Variants in RERE observed in about 807,000 individuals in gnomAD.
RERE encodes arginine-glutamic acid dipeptide repeats.
A neutral mutation model predicts 146.1 loss-of-function variants in RERE; 40 were observed. The ratio of observed to expected loss-of-function variants is 0.27; its 90% CI spans 0.21 to 0.36. The LOEUF is 0.36. Among genes scored for constraint, RERE ranks in the 10% least tolerant of loss-of-function variants. RERE has a pLI of 1.00. For synonymous variants in RERE, 1,003 were observed against 866.0 expected, an observed-to-expected ratio of 1.16 and a Z score of -2.78; for missense variants, 1,933 against 2,138.7, an observed-to-expected ratio of 0.90 and a Z score of 1.90.
chr1:8,650,920 AT>A (rs776419799), intron 2 of RERE, among the ~76,000 whole-genome samples: 5 of 149,582 alleles, frequency 3.3e-5, no homozygotes, highest in African/African-American at 1.3e-4. Context: ...ATTAAATTAA[AT>A]TAAATAAATA....
intron 1 of RERE, among the ~76,000 whole-genome samples, chr1:8,672,811 A>C (rs913284844): frequency 6.6e-6 from 1 of 152,194 alleles, no homozygotes; most frequent in Non-Finnish European, 1.5e-5. Context: ...GCAACAACAA[A>C]AAAAAACTCA....
intron 4 of RERE, among the ~76,000 whole-genome samples, chr1:8,601,345 A>G (rs1050691336): frequency 6.6e-6 from 1 of 151,922 alleles, no homozygotes; most frequent in African/African-American, 2.4e-5. Context: ...TTCAAGTACA[A>G]ATCAAACTAC....
At chr1:8,649,729 CAAAAAA>C (rs112009419) in intron 2 of RERE, among the ~76,000 whole-genome samples, 6 of 78,742 alleles carry the variant, frequency 7.6e-5, no homozygotes, top group Non-Finnish European at 5.3e-5. Flanking sequence ...GACTCCGTCT[CAAAAAA>C]AAAAAAAAAA....
chr1:8,524,158 G>A (rs1205023845), intron 7 of RERE, among the ~76,000 whole-genome samples: 2 of 152,134 alleles, frequency 1.3e-5, no homozygotes, highest in Non-Finnish European at 2.9e-5. Context: ...ACATTATATG[G>A]TATGGGGTAC....
intron 10 of RERE, among the ~76,000 whole-genome samples, chr1:8,486,432 G>A (rs1035275677): frequency 6.6e-6 from 1 of 151,936 alleles, no homozygotes; most frequent in African/African-American, 2.4e-5. Flanking sequence ...GGAAATTAAG[G>A]AATTTAGTAC....
intron 4 of RERE, among the ~76,000 whole-genome samples, chr1:8,567,831 A>G (rs1646170451): frequency 6.6e-6 from 1 of 152,220 alleles, no homozygotes; most frequent in African/African-American, 2.4e-5. Flanking sequence ...AATATCACAC[A>G]CACACAGAGA....
At position 8,577,408 on chromosome 1, in the gene RERE, C is replaced by A. The variant is rs115759859; in HGVS notation, c.523-19885G>T. ...TGGTGTCTGACCAACAGAATTGGAA[C>A]CTGCATCAGCCATATACTGTTAAGA... On this transcript the variant is annotated intron_variant, in intron 4 of 22. Coordinates refer to ENST00000400908, the MANE Select transcript of RERE (RefSeq NM_001042681.2). Among the ~76,000 whole-genome samples, 1,132 of 152,114 alleles carry A rather than the reference C, an allele frequency of 7.4e-3. 17 individuals are homozygous for A. The highest frequency in any genetic ancestry group is 0.026 in the African/African-American group (1,064 of 41,482).
intron 1 of RERE, among the ~76,000 whole-genome samples, chr1:8,793,646 G>A (rs1160418338): frequency 6.6e-6 from 1 of 152,188 alleles, no homozygotes; most frequent in African/African-American, 2.4e-5. Context: ...CATGAGAAGA[G>A]GCACTTAACC....
intron 12 of RERE, among the ~76,000 whole-genome samples, chr1:8,373,690 C>A (rs1287086219): frequency 6.6e-6 from 1 of 152,168 alleles, no homozygotes; most frequent in Admixed American, 6.5e-5. Context: ...ACGCTGCTGC[C>A]GAGTGCAGTC....
At chr1:8,596,647 T>C (rs1284335832) in intron 4 of RERE, among the ~76,000 whole-genome samples, 1 of 151,072 alleles carries the variant, frequency 6.6e-6, no homozygotes, top group Non-Finnish European at 1.5e-5. Context: ...TAGTTGGGAC[T>C]ATAGCCACAA....
rs575839680 is a variant in RERE at position 8,775,017 on chromosome 1, G to A, written c.-145+42143C>T. ...CACTCTGTCACCAGGCTGGAGTGCA[G>A]TGGTGCGATCTCAACTCACTGCAAC... On this transcript the variant is annotated intron_variant, in intron 1 of 22. Transcript: ENST00000400908. Among the ~76,000 whole-genome samples, 43 of 135,220 alleles carry A rather than the reference G, an allele frequency of 3.2e-4. 1 individual carries two copies. In the East Asian group the frequency reaches 8.9e-3, roughly 28 times the overall value. The allele number at this position is 135,220 out of a possible 152,430, so 88.7% of individuals were successfully genotyped here.
At chr1:8,578,048 G>A (rs954962351) in intron 4 of RERE, among the ~76,000 whole-genome samples, 2 of 151,494 alleles carry the variant, frequency 1.3e-5, no homozygotes, top group African/African-American at 2.4e-5. Flanking sequence ...CCGAGTTTGC[G>A]CCATTGCACT....
chr1:8,673,081 G>A (rs1428245225), intron 1 of RERE, among the ~76,000 whole-genome samples: 1 of 152,068 alleles, frequency 6.6e-6, no homozygotes, highest in Non-Finnish European at 1.5e-5. Context: ...TTATCATTTA[G>A]AGGAGCCTAA....
rs759959224 is a variant in RERE, at chr1:8,409,796, G to C, written c.1284+12931C>G. Among the ~76,000 whole-genome samples the C allele has an allele frequency of 1.1e-4, 16 of 152,106 alleles. 1 individual carries two copies. Among genetic ancestry groups the C allele is most frequent in the Non-Finnish European group, 2.4e-4 (16 of 68,020 alleles). ...ATTATCAGCATGGACAAGTTCCTGG[G>C]GAGGGCCTGGCGACATGATCAAAGC... On this transcript the variant is annotated intron_variant, in intron 12 of 22. Transcript: ENST00000400908.
rs570086064 is a variant in RERE at position 8,605,116 on chromosome 1, C to A, written c.522+9445G>T. On this transcript the variant is annotated intron_variant, in intron 4 of 22. Coordinates refer to ENST00000400908, the MANE Select transcript of RERE (RefSeq NM_001042681.2). ...ACAGTTATTCCCTTGAAAAACAGGA[C>A]AAATCAACTCTTTCCCAACTTTTTT... 3.2e-3 allele frequency among the ~76,000 whole-genome samples: 488 copies of A among 152,190 alleles called. 3 individuals are homozygous for A. The highest frequency in any genetic ancestry group is 0.011 in the African/African-American group (462 of 41,544).
intron 1 of RERE, among the ~76,000 whole-genome samples, chr1:8,671,655 T>C (rs1372197642): frequency 6.6e-6 from 1 of 152,240 alleles, no homozygotes; most frequent in Non-Finnish European, 1.5e-5. Context: ...TTTGTTAACA[T>C]TTCTGAGGGC....
intron 8 of RERE, among the ~76,000 whole-genome samples, chr1:8,506,511 C>G (rs527680839): frequency 6.6e-6 from 1 of 152,174 alleles, no homozygotes; most frequent in Non-Finnish European, 1.5e-5. Flanking sequence ...AAAATCTAGA[C>G]AGAAATAATA....
rs746535721 is a variant in RERE at position 8,697,396 on chromosome 1, C to CT, written c.-144-40956dup. Among the ~76,000 whole-genome samples the CT allele has an allele frequency of 3.7e-3, 432 of 117,472 alleles. 1 individual carries two copies. Among genetic ancestry groups the CT allele is most frequent in the African/African-American group, 9.2e-3 (290 of 31,562 alleles). The allele number at this position is 117,472 out of a possible 152,430, so 77.1% of individuals were successfully genotyped here. A position where few individuals can be genotyped will look rare whatever the true frequency, so the allele number is the denominator to read the frequency against. ...CCCCAACCACACCCCCCCCACACAACTTTTTTTTTTTTTTGAGACGGAGTC... is the reference window on the plus strand; with the variant it reads ...CCCCAACCACACCCCCCCCACACAACTTTTTTTTTTTTTTTGAGACGGAGTC... On this transcript the variant is annotated intron_variant, in intron 1 of 22. Transcript: ENST00000400908.
intron 1 of RERE, 22 bp from the exon 2 acceptor site, chr1:8,656,463 T>C (rs780409496): frequency 1.4e-5 from 12 of 863,398 alleles, no homozygotes; most frequent in Non-Finnish European, 2.1e-5. Flanking sequence ...AAAAGAATGG[T>C]TTTAACGCTT....
Sources: gnomAD v4.1 joint callset for allele counts (sites outside exome capture counted in the v4.1 genomes callset) on GRCh38, gnomAD v4.1.1 for gene constraint, MANE v1.5 for transcripts, NCBI Gene and HGNC (gene_info 2026-07-23, HGNC 2026-07-21) for gene names.